The following MAP4K3 variants were observed in gnomAD, a reference collection of about 807,000 sequenced individuals.
The protein encoded by MAP4K3 is MAPK/ERK kinase kinase kinase 3.
MAP4K3 carries 94 observed loss-of-function variants against 143.5 expected under a neutral mutation model. That is an observed-to-expected ratio of 0.65 (90% CI 0.55 to 0.78). MAP4K3 has a LOEUF of 0.78. MAP4K3 is among the 30% of genes least tolerant of loss of function. The probability of loss-of-function intolerance (pLI) is 0.00; values close to 1 mark genes in which losing one functional copy is unlikely to be tolerated. For synonymous variants in MAP4K3, 416 were observed against 347.2 expected (o/e 1.20, Z -2.20); for missense variants, 1,077 against 1,068.1 (o/e 1.01, Z -0.12).
At chr2:39,263,478 A>C (rs1290621137) in intron 28 of MAP4K3, among the ~76,000 whole-genome samples, 1 of 141,748 alleles carries the variant, frequency 7.1e-6, no homozygotes, top group Non-Finnish European at 1.5e-5. Flanking sequence ...ACGGGGTTTC[A>C]CCGTGTTAGC....
At chr2:39,365,635 G>A (rs1348898376) in intron 2 of MAP4K3, among the ~76,000 whole-genome samples, 6 of 150,402 alleles carry the variant, frequency 4.0e-5, no homozygotes, top group Middle Eastern at 3.2e-3. Context: ...TAGTAGAGAC[G>A]GGGTTTCACC....
chr2:39,322,422 G>A (rs1041622907), intron 12 of MAP4K3, among the ~76,000 whole-genome samples: 2 of 152,022 alleles, frequency 1.3e-5, no homozygotes, highest in Non-Finnish European at 2.9e-5. Context: ...TACATAGTAA[G>A]TGGGCTTACA....
chr2:39,346,814 A>G (rs1269400011), intron 3 of MAP4K3, among the ~76,000 whole-genome samples: 1 of 152,150 alleles, frequency 6.6e-6, no homozygotes, highest in Non-Finnish European at 1.5e-5. Context: ...ATTACTTAGA[A>G]TTACCATTTG....
chr2:39,286,848 C>A lies in MAP4K3; in HGVS notation c.1587+4G>T. ...AAGTAGAACTTATGACTATCAATAC[C>A]TACTGGTACATCTTTCTTTTCTTTT... On this transcript the variant is annotated splice_donor_region_variant and intron_variant, in intron 21 of 33. Coordinates refer to ENST00000263881, the MANE Select transcript of MAP4K3 (RefSeq NM_003618.4). The A allele has an allele frequency of 6.3e-7, 1 of 1,582,898 alleles. No individual in the cohort carries two copies. The highest frequency in any genetic ancestry group is 8.6e-7 in the Non-Finnish European group (1 of 1,162,782).
chr2:39,315,464 A>G, intron 12 of MAP4K3, 76 bp from the exon 13 acceptor site: 1 of 969,734 alleles, frequency 1.0e-6, no homozygotes, highest in Non-Finnish European at 1.6e-6. Flanking sequence ...TTACCCAAAT[A>G]GGAAAAAATA....
intron 31 of MAP4K3, among the ~76,000 whole-genome samples, chr2:39,255,918 G>GT (rs1351648648): frequency 6.6e-6 from 1 of 152,130 alleles, no homozygotes; most frequent in Non-Finnish European, 1.5e-5. Context: ...TGGATTAACT[G>GT]AAGAACTGGC....
chr2:39,290,291 C>T lies in MAP4K3; in HGVS notation c.1314+1G>A. On this transcript the variant is annotated splice_donor_variant, in intron 19 of 33. Transcript: ENST00000263881. LOFTEE classifies it high-confidence loss of function. ...TCAAATTGAAAAATAAATCTGTCTA[C>T]CTTTGGTGGCAAAGGAGGTGGAATT... is the stretch of plus-strand genomic sequence containing the variant. 1 of 1,605,228 alleles carries T rather than the reference C, an allele frequency of 6.2e-7. No homozygotes were observed. The highest frequency in any genetic ancestry group is 8.5e-7 in the Non-Finnish European group (1 of 1,176,198).
intron 28 of MAP4K3, among the ~76,000 whole-genome samples, chr2:39,262,644 G>C (rs534891896): frequency 6.6e-6 from 1 of 152,208 alleles, no homozygotes; most frequent in Admixed American, 6.5e-5. Context: ...ATTAACAGAA[G>C]GGGATTCATG....
intron 2 of MAP4K3, among the ~76,000 whole-genome samples, chr2:39,367,595 G>C (rs1665960443): frequency 6.6e-6 from 1 of 151,622 alleles, no homozygotes; most frequent in Admixed American, 6.6e-5. Flanking sequence ...CCATGGCCCT[G>C]GCTCCCTAAA....
chr2:39,282,000 C>T (rs1389835657), intron 22 of MAP4K3, among the ~76,000 whole-genome samples: 1 of 151,926 alleles, frequency 6.6e-6, no homozygotes, highest in Non-Finnish European at 1.5e-5. Flanking sequence ...TCAAGACCAG[C>T]CTGGCCAATA....
intron 2 of MAP4K3, among the ~76,000 whole-genome samples, chr2:39,361,311 T>C (rs979003820): frequency 3.3e-5 from 5 of 152,124 alleles, no homozygotes; most frequent in African/African-American, 1.2e-4. Context: ...GCCCCCTTAC[T>C]CTATTTTTCC....
chr2:39,299,175 G>T (rs1320023753), intron 16 of MAP4K3, among the ~76,000 whole-genome samples: 1 of 152,076 alleles, frequency 6.6e-6, no homozygotes, highest in Non-Finnish European at 1.5e-5. Context: ...AATTGTTAAT[G>T]TTTGTAAGCT....
At chr2:39,435,229 T>G (rs1157509386) in intron 1 of MAP4K3, among the ~76,000 whole-genome samples, 8 of 151,920 alleles carry the variant, frequency 5.3e-5, no homozygotes, top group Admixed American at 5.2e-4. Context: ...ACTGCTCCAT[T>G]CCACTCTTCA....
At chr2:39,343,269 A>G (rs1294064584) in intron 4 of MAP4K3, 119 bp downstream of exon 4, 18 of 641,656 alleles carry the variant, frequency 2.8e-5, no homozygotes, top group Non-Finnish European at 4.7e-5. Flanking sequence ...ATAGCCAAAC[A>G]ATATAACAAT....
At position 39,258,430 on chromosome 2, in the gene MAP4K3, T is replaced by C; in HGVS notation, c.2388A>G (p.Lys796=). The part of the protein sequence containing the change: ...TILVCLDCCI[K]IVNLQGRLKS... ...TTAATCTTCCTTGGAGATTTACTAT[T>C]TTTATACAACCTAGAGGAAAAAAAG... The change falls in exon 31 of 34, where the codon AAA becomes AAG. Residue 796 remains lysine (K), a synonymous_variant. Coordinates refer to ENST00000263881, the MANE Select transcript of MAP4K3 (RefSeq NM_003618.4). 3.7e-6 allele frequency: 6 copies of C among 1,609,960 alleles called. No homozygotes were observed. Among genetic ancestry groups the C allele is most frequent in the Non-Finnish European group, 5.1e-6 (6 of 1,177,164 alleles).
chr2:39,428,393 G>A (rs1158303014), intron 1 of MAP4K3, among the ~76,000 whole-genome samples: 1 of 152,170 alleles, frequency 6.6e-6, no homozygotes, highest in Non-Finnish European at 1.5e-5. Flanking sequence ...TAATCTTTGG[G>A]GCCGGCACAG....
At chr2:39,330,609 T>C (rs563051656) in intron 8 of MAP4K3, among the ~76,000 whole-genome samples, 1 of 151,904 alleles carries the variant, frequency 6.6e-6, no homozygotes, top group African/African-American at 2.4e-5. Flanking sequence ...GGAGGGAAAA[T>C]GACTCCAGGA....
chr2:39,282,513 A>G lies in MAP4K3; in HGVS notation c.1629T>C (p.His543=), dbSNP rs150038225. 7 of 1,610,530 alleles carry G rather than the reference A, an allele frequency of 4.3e-6. No homozygotes were observed. The highest frequency in any genetic ancestry group is 5.9e-6 in the Non-Finnish European group (7 of 1,177,582). Reference sequence around the variant, plus strand: ...AGCCTACTCCATATTTAGTACTTACATGCACTTTAGGTGTTGGAGGAAGAC... The same window carrying G: ...AGCCTACTCCATATTTAGTACTTACGTGCACTTTAGGTGTTGGAGGAAGAC... ...SNGLPPTPKV[H]MGACFSKVFN... The change falls in exon 22 of 34, where the codon CAT becomes CAC. Residue 543 remains histidine (H), a splice_region_variant and synonymous_variant. Coordinates refer to ENST00000263881, the MANE Select transcript of MAP4K3 (RefSeq NM_003618.4).
At chr2:39,294,224 C>A (rs1341039864) in intron 16 of MAP4K3, 1 of 152,046 alleles carries the variant, frequency 6.6e-6, no homozygotes, top group Non-Finnish European at 1.5e-5. Context: ...AAAAACTGCC[C>A]TTAAAATTAC....
Sources: allele counts gnomAD v4.1 joint callset (sites outside exome capture counted in the v4.1 genomes callset), GRCh38; gene constraint gnomAD v4.1.1; transcripts MANE v1.5; gene names NCBI Gene and HGNC (gene_info 2026-07-23, HGNC 2026-07-21).